WDR41: variants seen among roughly 807,000 people sequenced by gnomAD.
WDR41 encodes WD repeat-containing protein 41.
A neutral mutation model predicts 69.3 loss-of-function variants in WDR41; 63 were observed. That is an observed-to-expected ratio of 0.91 (90% CI 0.74 to 1.12). WDR41 has a LOEUF of 1.12. Ranked by LOEUF, WDR41 falls within the 50% of genes most tolerant of loss-of-function variation. The probability of loss-of-function intolerance (pLI) is 0.00; values close to 1 mark genes in which losing one functional copy is unlikely to be tolerated. For synonymous variants in WDR41, 185 were observed against 192.1 expected (o/e 0.96, Z 0.31); for missense variants, 543 against 534.5 (o/e 1.02, Z -0.16).
At chr5:77,505,314 T>A (rs551709181) in intron 1 of WDR41, among the ~76,000 whole-genome samples, 1 of 152,190 alleles carries the variant, frequency 6.6e-6, no homozygotes, top group East Asian at 1.9e-4. Flanking sequence ...GGAATCCAAC[T>A]TACAAGGGAT....
intron 8 of WDR41, among the ~76,000 whole-genome samples, chr5:77,449,403 A>G (rs892145284): frequency 1.6e-4 from 25 of 152,318 alleles, no homozygotes; most frequent in Middle Eastern, 6.8e-3. Flanking sequence ...GGACAGCAAG[A>G]CAAAAGGGCA....
At chr5:77,465,437 T>C (rs556229444) in intron 2 of WDR41, among the ~76,000 whole-genome samples, 49 of 152,216 alleles carry the variant, frequency 3.2e-4, no homozygotes, top group African/African-American at 1.2e-3. Flanking sequence ...TTATATCCCA[T>C]TCACCATATC....
At chr5:77,450,734 G>C (rs1444383397) in intron 7 of WDR41, among the ~76,000 whole-genome samples, 2 of 152,142 alleles carry the variant, frequency 1.3e-5, no homozygotes, top group Non-Finnish European at 2.9e-5. Context: ...TCAAAGATTA[G>C]CATCACTAAC....
At chr5:77,543,731 T>C (rs186880164) in intron 1 of WDR41, among the ~76,000 whole-genome samples, 37 of 152,192 alleles carry the variant, frequency 2.4e-4, no homozygotes, top group African/African-American at 8.2e-4. Flanking sequence ...GAAAACATAA[T>C]TGGGAGAGTA....
At chr5:77,572,715 T>C (rs754643468) in intron 1 of WDR41, among the ~76,000 whole-genome samples, 17 of 152,224 alleles carry the variant, frequency 1.1e-4, no homozygotes, top group Non-Finnish European at 1.8e-4. Flanking sequence ...ATTTTACCAT[T>C]TCCAAAACAA....
At chr5:77,555,282 G>A (rs568694685) in intron 1 of WDR41, among the ~76,000 whole-genome samples, 1 of 152,262 alleles carries the variant, frequency 6.6e-6, no homozygotes, top group African/African-American at 2.4e-5. Flanking sequence ...ATCTTAAACT[G>A]CATATTACTC....
At chr5:77,493,769 C>A (rs1373062652), upstream of WDR41, among the ~76,000 whole-genome samples, 1 of 152,218 alleles carries the variant, frequency 6.6e-6, no homozygotes, top group Non-Finnish European at 1.5e-5. Context: ...TCACGTGAGA[C>A]AATGTGGTTG....
intron 1 of WDR41, among the ~76,000 whole-genome samples, chr5:77,609,334 G>C (rs1167145436): frequency 7.9e-5 from 12 of 152,290 alleles, no homozygotes; most frequent in Admixed American, 1.3e-4. Flanking sequence ...GGAGATCTGA[G>C]AACGGGCAGA....
intron 1 of WDR41, among the ~76,000 whole-genome samples, chr5:77,504,169 G>T (rs560286740): frequency 6.6e-6 from 1 of 151,872 alleles, no homozygotes; most frequent in South Asian, 2.1e-4. Context: ...GAATCAAATA[G>T]ATGCAATAAA....
At chr5:77,474,409 A>T (rs1198878295) in intron 2 of WDR41, among the ~76,000 whole-genome samples, 1 of 151,786 alleles carries the variant, frequency 6.6e-6, no homozygotes, top group East Asian at 1.9e-4. Flanking sequence ...CACATTGTGC[A>T]CATGTACCCT....
At chr5:77,533,214 A>T (rs1742898784) in intron 1 of WDR41, among the ~76,000 whole-genome samples, 3 of 152,178 alleles carry the variant, frequency 2.0e-5, no homozygotes, top group Admixed American at 6.6e-5. Flanking sequence ...AATTCCTCAC[A>T]GATCTCTGCA....
intron 2 of WDR41, among the ~76,000 whole-genome samples, chr5:77,488,731 C>A (rs992612903): frequency 3.9e-5 from 6 of 152,096 alleles, no homozygotes; most frequent in African/African-American, 1.4e-4. Flanking sequence ...AGGCACTGTA[C>A]TAGGTACTAA....
At chr5:77,592,408 C>T (rs1326149167) in intron 1 of WDR41, among the ~76,000 whole-genome samples, 1 of 151,870 alleles carries the variant, frequency 6.6e-6, no homozygotes, top group African/African-American at 2.4e-5. Flanking sequence ...ATTTTTCTTT[C>T]TTGCCTTGTT....
intron 2 of WDR41, among the ~76,000 whole-genome samples, chr5:77,476,790 A>G (rs1180639610): frequency 3.3e-5 from 5 of 149,784 alleles, no homozygotes; most frequent in South Asian, 2.2e-4. Flanking sequence ...ACCAGCTAAC[A>G]TCATAATGAC....
intron 2 of WDR41, among the ~76,000 whole-genome samples, chr5:77,470,244 C>T (rs1800514031): frequency 6.6e-6 from 1 of 152,060 alleles, no homozygotes; most frequent in South Asian, 2.1e-4. Flanking sequence ...ATTTTGTCAC[C>T]ACCAGGCCTG....
At chr5:77,541,819 G>A (rs547996447) in intron 1 of WDR41, among the ~76,000 whole-genome samples, 3 of 152,288 alleles carry the variant, frequency 2.0e-5, no homozygotes, top group African/African-American at 7.2e-5. Context: ...TACACTGTTG[G>A]TGGAAGTATA....
At position 77,507,984 on chromosome 5, in the gene WDR41, T is replaced by C. The variant is rs570549730; in HGVS notation, c.43-18412A>G. Among the ~76,000 whole-genome samples, 225 of 152,308 alleles carry C rather than the reference T, an allele frequency of 1.5e-3. 4 individuals are homozygous for C. The South Asian group carries it at 0.027, about 18-fold the overall frequency. On this transcript the variant is annotated intron_variant, in intron 1 of 5. Transcript: ENST00000509971. ...TTGGCTTGCATAACCTCTATCAATCTGTTCTCAAGTATACTGATTCTTTCA... is the reference window on the plus strand; with the variant it reads ...TTGGCTTGCATAACCTCTATCAATCCGTTCTCAAGTATACTGATTCTTTCA...
At chr5:77,439,818 AGT>A (rs1359847905) in intron 9 of WDR41, among the ~76,000 whole-genome samples, 2 of 152,250 alleles carry the variant, frequency 1.3e-5, no homozygotes, top group African/African-American at 4.8e-5. Flanking sequence ...TTTTCACAAA[AGT>A]GAGAAAAAAC....
intron 2 of WDR41, among the ~76,000 whole-genome samples, chr5:77,466,807 T>A (rs1432974606): frequency 4.5e-5 from 4 of 89,784 alleles, no homozygotes; most frequent in Non-Finnish European, 8.3e-5. Flanking sequence ...ATTGCTACCA[T>A]TTTTTTTTTT....
Sources: allele counts gnomAD v4.1 joint callset (sites outside exome capture counted in the v4.1 genomes callset), GRCh38; gene constraint gnomAD v4.1.1; transcripts MANE v1.5; gene names NCBI Gene and HGNC (gene_info 2026-07-23, HGNC 2026-07-21).